SNTG2: variants seen among roughly 807,000 people sequenced by gnomAD.
The protein encoded by SNTG2 is gamma-2-syntrophin.
Under a neutral mutation model 70.9 loss-of-function variants are expected in SNTG2, and 74 were observed. The observed-to-expected ratio is 1.04, with a 90% CI of 0.86 to 1.27. SNTG2 has a LOEUF of 1.27. SNTG2 is among the 50% of genes most tolerant of loss of function. SNTG2 has a pLI of 0.00. For missense variants in SNTG2, 717 were observed against 690.7 expected, an observed-to-expected ratio of 1.04 and a Z score of -0.43; for synonymous variants, 278 against 273.8, an observed-to-expected ratio of 1.02 and a Z score of -0.15.
chr2:977,678 T>G (rs1660952880), intron 1 of SNTG2, among the ~76,000 whole-genome samples: 1 of 152,166 alleles, frequency 6.6e-6, no homozygotes, highest in African/African-American at 2.4e-5. Context: ...CGACAGCTAC[T>G]CATTGCTTCT....
intron 1 of SNTG2, among the ~76,000 whole-genome samples, chr2:1,082,632 C>T (rs1002865229): frequency 2.6e-5 from 4 of 152,316 alleles, no homozygotes; most frequent in Non-Finnish European, 2.9e-5. Flanking sequence ...GCATGAGGAC[C>T]AAGTGCCCTG....
chr2:1,359,778 C>T (rs1214506295), intron 16 of SNTG2, among the ~76,000 whole-genome samples: 1 of 152,120 alleles, frequency 6.6e-6, no homozygotes, highest in Non-Finnish European at 1.5e-5. Context: ...GGTTCTAGTC[C>T]ACCAATAAAC....
intron 4 of SNTG2, 120 bp from the exon 5 acceptor site, chr2:1,137,502 G>GCACACACA (rs35182823): frequency 7.1e-6 from 6 of 845,466 alleles, no homozygotes; most frequent in Non-Finnish European, 1.1e-5. Context: ...GTGGACACAT[G>GCACACACA]CACACACACA....
At chr2:1,226,791 T>G (rs553336379) in intron 9 of SNTG2, among the ~76,000 whole-genome samples, 4 of 152,272 alleles carry the variant, frequency 2.6e-5, no homozygotes, top group Non-Finnish European at 4.4e-5. Flanking sequence ...TGTAAGAATC[T>G]TTTAGACTGT....
Position 1,235,259 on chromosome 2 carries a change from C to T in SNTG2, c.720-2629C>T, listed in dbSNP as rs28409958. On this transcript the variant is annotated intron_variant, in intron 9 of 16. Transcript: ENST00000308624. Reference sequence around the variant, plus strand: ...GGGGGCGCCCCTACCCCATGCTGCCCTGAGGTCCCTGCAGGCCCCACCAGG... The same window carrying T: ...GGGGGCGCCCCTACCCCATGCTGCCTTGAGGTCCCTGCAGGCCCCACCAGG... Among the ~76,000 whole-genome samples the T allele has an allele frequency of 4.6e-3, 512 of 111,778 alleles. 15 individuals are homozygous for T. Among genetic ancestry groups the T allele is most frequent in the African/African-American group, 0.017 (466 of 27,682 alleles). The allele number at this position is 111,778 out of a possible 152,430, so 73.3% of individuals were successfully genotyped here.
intron 16 of SNTG2, among the ~76,000 whole-genome samples, chr2:1,332,672 T>C (rs376857619): frequency 6.6e-6 from 1 of 152,308 alleles, no homozygotes; most frequent in African/African-American, 2.4e-5. Flanking sequence ...AGTCAATAAA[T>C]ATGGTACATC....
At chr2:1,218,311 A>G (rs559859303) in intron 9 of SNTG2, among the ~76,000 whole-genome samples, 61 of 152,302 alleles carry the variant, frequency 4.0e-4, no homozygotes, top group African/African-American at 1.2e-3. Context: ...CTTCACAGAA[A>G]CACCTAGTTT....
At chr2:1,239,955 T>A (rs1265536746) in intron 11 of SNTG2, among the ~76,000 whole-genome samples, 179 bp downstream of exon 11, 1 of 152,230 alleles carries the variant, frequency 6.6e-6, no homozygotes, top group Non-Finnish European at 1.5e-5. Context: ...GCCCTGCCTG[T>A]TAATTCTATA....
intron 9 of SNTG2, among the ~76,000 whole-genome samples, chr2:1,217,821 A>G (rs1377472076): frequency 6.6e-6 from 1 of 152,116 alleles, no homozygotes; most frequent in African/African-American, 2.4e-5. Flanking sequence ...TGTCTTTACC[A>G]TATCAGTTTT....
intron 16 of SNTG2, among the ~76,000 whole-genome samples, chr2:1,354,058 G>T (rs1244547377): frequency 6.6e-6 from 1 of 152,224 alleles, no homozygotes; most frequent in African/African-American, 2.4e-5. Context: ...AATTCAGGGT[G>T]TTAAAGCACT....
chr2:1,155,169 A>ACC (rs139002182), intron 6 of SNTG2, among the ~76,000 whole-genome samples: 10 of 5,772 alleles, frequency 1.7e-3, no homozygotes, highest in African/African-American at 3.3e-3. Context: ...ACACACGTAG[A>ACC]CCCCCCCCCC....
intron 8 of SNTG2, among the ~76,000 whole-genome samples, chr2:1,192,135 G>A (rs1672633392): frequency 6.6e-6 from 1 of 152,160 alleles, no homozygotes; most frequent in African/African-American, 2.4e-5. Context: ...GAAGATAGAA[G>A]GACTGGGCCC....
chr2:1,153,152 A>C (rs999162636), intron 6 of SNTG2, among the ~76,000 whole-genome samples: 1 of 151,980 alleles, frequency 6.6e-6, no homozygotes, highest in Non-Finnish European at 1.5e-5. Flanking sequence ...CTTCACAACA[A>C]CACCTAGACT....
chr2:1,235,359 C>T (rs1253458118), intron 9 of SNTG2, among the ~76,000 whole-genome samples: 1 of 106,898 alleles, frequency 9.4e-6, no homozygotes, highest in Non-Finnish European at 1.9e-5. Flanking sequence ...CAGGCACCCC[C>T]GATTCATGAG....
At chr2:1,030,748 C>T (rs1660770495) in intron 1 of SNTG2, among the ~76,000 whole-genome samples, 1 of 152,164 alleles carries the variant, frequency 6.6e-6, no homozygotes, top group Admixed American at 6.5e-5. Flanking sequence ...ACATTGTATT[C>T]ACCTTCTGGA....
At chr2:992,356 G>GA (rs1661526987) in intron 1 of SNTG2, among the ~76,000 whole-genome samples, 1 of 152,068 alleles carries the variant, frequency 6.6e-6, no homozygotes, top group Non-Finnish European at 1.5e-5. Flanking sequence ...CCCTACTGAA[G>GA]AAATTAAATG....
intron 2 of SNTG2, among the ~76,000 whole-genome samples, chr2:1,094,765 G>A (rs62107372): frequency 0.66 from 26,294 of 40,056 alleles, 8,479 homozygotes; most frequent in Non-Finnish European, 0.74. Flanking sequence ...GTCCTCATAT[G>A]GTAGAGTTAC....
At chr2:1,357,413 C>G (rs528995552) in intron 16 of SNTG2, among the ~76,000 whole-genome samples, 39 of 152,228 alleles carry the variant, frequency 2.6e-4, no homozygotes, top group African/African-American at 9.1e-4. Flanking sequence ...ATTTGTACCC[C>G]TATGTCCCAG....
chr2:1,039,803 G>A (rs775204239), intron 1 of SNTG2, among the ~76,000 whole-genome samples: 1 of 152,208 alleles, frequency 6.6e-6, no homozygotes, highest in African/African-American at 2.4e-5. Context: ...GAAGCTGTGT[G>A]TGCAGCCTCA....
Sources: gnomAD v4.1 joint callset for allele counts (sites outside exome capture counted in the v4.1 genomes callset) on GRCh38, gnomAD v4.1.1 for gene constraint, MANE v1.5 for transcripts, NCBI Gene and HGNC (gene_info 2026-07-23, HGNC 2026-07-21) for gene names.